Variants in ITGA9 observed in about 807,000 individuals in gnomAD.
ITGA9 encodes integrin alpha-9.
A neutral mutation model predicts 127.8 loss-of-function variants in ITGA9; 56 were observed. That is an observed-to-expected ratio of 0.44 (90% CI 0.35 to 0.55). The LOEUF (loss-of-function observed/expected upper bound fraction) is 0.55, where lower values mean the gene tolerates loss of function less well. Ranked by LOEUF, ITGA9 falls within the 20% of genes least tolerant of loss-of-function variation. The probability of loss-of-function intolerance (pLI) is 0.00; values close to 1 mark genes in which losing one functional copy is unlikely to be tolerated. For missense variants in ITGA9, 1,196 were observed against 1,347.1 expected (o/e 0.89, Z 1.76); for synonymous variants, 508 against 514.5 (o/e 0.99, Z 0.17).
chr3:37,536,233 GC>G (rs1423113698), intron 14 of ITGA9, among the ~76,000 whole-genome samples: 2 of 152,228 alleles, frequency 1.3e-5, no homozygotes, highest in African/African-American at 4.8e-5. Context: ...TGGGTTACCA[GC>G]CTTCCTACTC....
intron 27 of ITGA9, chr3:37,818,175 G>T (rs1575253409): frequency 1.0e-5 from 1 of 99,094 alleles, no homozygotes. Context: ...ACTTTCCACT[G>T]TACATTAAGA....
chr3:37,489,016 T>A (rs370653828), intron 4 of ITGA9, among the ~76,000 whole-genome samples: 59 of 152,314 alleles, frequency 3.9e-4, no homozygotes, highest in African/African-American at 1.3e-3. Flanking sequence ...GCAACTGCCA[T>A]TCTACTTTGT....
At chr3:37,583,482 C>A (rs1179137341) in intron 15 of ITGA9, among the ~76,000 whole-genome samples, 1 of 152,172 alleles carries the variant, frequency 6.6e-6, no homozygotes, top group Admixed American at 6.5e-5. Context: ...CATGACATAA[C>A]CCAATGTCTT....
intron 1 of ITGA9, among the ~76,000 whole-genome samples, chr3:37,461,007 A>G (rs1248927440): frequency 6.6e-6 from 1 of 151,996 alleles, no homozygotes; most frequent in Non-Finnish European, 1.5e-5. Flanking sequence ...CTTCCTATCT[A>G]GTGTCCAAGT....
At chr3:37,579,602 T>C (rs942109137) in intron 15 of ITGA9, among the ~76,000 whole-genome samples, 7 of 152,064 alleles carry the variant, frequency 4.6e-5, no homozygotes, top group Non-Finnish European at 2.9e-5. Flanking sequence ...TGGAATAAAG[T>C]TGAGTTTGGT....
intron 4 of ITGA9, among the ~76,000 whole-genome samples, chr3:37,491,199 A>T (rs1579061276): frequency 2.6e-5 from 4 of 151,276 alleles, no homozygotes. Context: ...CTGATTTTCA[A>T]CTCCTGGACT....
At chr3:37,737,124 A>C (rs2276866) in intron 20 of ITGA9, 141 bp downstream of exon 20, 2 of 700,984 alleles carry the variant, frequency 2.9e-6, no homozygotes, top group African/African-American at 3.5e-5. Flanking sequence ...CTTGAGCCGC[A>C]AAGTGGAATT....
At chr3:37,788,972 C>T (rs1172259973) in intron 26 of ITGA9, among the ~76,000 whole-genome samples, 3 of 152,102 alleles carry the variant, frequency 2.0e-5, no homozygotes, top group Admixed American at 6.6e-5. Context: ...TTTTTTATAA[C>T]TGTAAAGATG....
chr3:37,785,002 T>C lies in ITGA9; in HGVS notation c.2813T>C (p.Met938Thr), dbSNP rs1697022141. The C allele has an allele frequency of 1.2e-6, 2 of 1,614,136 alleles. No homozygotes were observed. Among genetic ancestry groups the C allele is most frequent in the East Asian group, 4.5e-5 (2 of 44,870 alleles). The change falls in exon 26 of 28, where the codon ATG becomes ACG. Residue 938 changes from methionine to threonine, a missense_variant. Physicochemically the swap from Met to Thr is moderately conservative, Grantham distance 81 (BLOSUM62 -1). Transcript: ENST00000264741. ...GACAGTTCGTCTGTCATCCAGTTCA[T>C]GTCCCGCGCCAAGGTGAAGGTGGAT... ...KKDSSSVIQF[M>T]SRAKVKVDPA...
At chr3:37,723,462 TTGATC>T (rs1559578992) in intron 18 of ITGA9, among the ~76,000 whole-genome samples, 2 of 152,134 alleles carry the variant, frequency 1.3e-5, no homozygotes, top group Non-Finnish European at 2.9e-5. Context: ...CTGGGTTCAA[TTGATC>T]CTTCCACCTC....
At chr3:37,768,154 ACTC>A (rs1265636955) in intron 23 of ITGA9, among the ~76,000 whole-genome samples, 1 of 152,198 alleles carries the variant, frequency 6.6e-6, no homozygotes, top group Non-Finnish European at 1.5e-5. Flanking sequence ...ATGAAGAAAT[ACTC>A]AATAGTAAAT....
intron 12 of ITGA9, among the ~76,000 whole-genome samples, chr3:37,524,764 C>T (rs1011728463): frequency 2.0e-5 from 3 of 152,150 alleles, no homozygotes; most frequent in Admixed American, 6.5e-5. Flanking sequence ...CTGCAGTGCA[C>T]GGGGATCCAT....
intron 15 of ITGA9, among the ~76,000 whole-genome samples, chr3:37,581,756 G>T (rs1441540337): frequency 2.6e-5 from 4 of 152,360 alleles, no homozygotes; most frequent in South Asian, 2.1e-4. Context: ...TCAGAACAAA[G>T]TGAAAGCGAA....
Position 37,780,038 on chromosome 3 carries a change from C to A in ITGA9, c.2787+17C>A. ...CTGAAAAAGGTAAGCCCTAATGAAC[C>A]GCACTTGTGGATGCATTTAGAAGCA... On this transcript the variant is annotated intron_variant, in intron 25 of 27. Coordinates refer to ENST00000264741, the MANE Select transcript of ITGA9 (RefSeq NM_002207.3). 1 of 1,613,308 alleles carries A rather than the reference C, an allele frequency of 6.2e-7. No homozygotes were observed. Among genetic ancestry groups the A allele is most frequent in the South Asian group, 1.1e-5 (1 of 90,992 alleles).
At chr3:37,741,364 GAC>G in intron 20 of ITGA9, among the ~76,000 whole-genome samples, 1 of 151,106 alleles carries the variant, frequency 6.6e-6, no homozygotes, top group Non-Finnish European at 1.5e-5. Context: ...TAGGAAGACT[GAC>G]TCTGCCTCAC....
chr3:37,570,109 C>T (rs1326201737), intron 15 of ITGA9, among the ~76,000 whole-genome samples: 1 of 152,254 alleles, frequency 6.6e-6, no homozygotes, highest in African/African-American at 2.4e-5. Context: ...AAAGCAGCTG[C>T]CTTGATCCCT....
intron 16 of ITGA9, among the ~76,000 whole-genome samples, chr3:37,635,560 G>A (rs1243955755): frequency 1.7e-5 from 2 of 120,770 alleles, no homozygotes; most frequent in Non-Finnish European, 3.5e-5. Context: ...AATGAAAATT[G>A]TTTTTATTTT....
chr3:37,728,497 ACT>A (rs1696244882), intron 18 of ITGA9, among the ~76,000 whole-genome samples: 1 of 152,260 alleles, frequency 6.6e-6, no homozygotes, highest in East Asian at 1.9e-4. Context: ...CTCCATGATG[ACT>A]CTGCTTTTTA....
chr3:37,817,917 CT>C (rs1697455870), intron 27 of ITGA9, among the ~76,000 whole-genome samples: 1 of 152,230 alleles, frequency 6.6e-6, no homozygotes, highest in Non-Finnish European at 1.5e-5. Context: ...TGAGAATGTG[CT>C]GCTGACTGTG....
Sources: gnomAD v4.1 joint callset for allele counts (sites outside exome capture counted in the v4.1 genomes callset) on GRCh38, gnomAD v4.1.1 for gene constraint, MANE v1.5 for transcripts, NCBI Gene and HGNC (gene_info 2026-07-23, HGNC 2026-07-21) for gene names.